Variants in SMPX observed in about 807,000 individuals in gnomAD.
SMPX encodes small muscular protein.
In SMPX, 2 loss-of-function variants were observed where a neutral mutation model predicts 6.3. That is an observed-to-expected ratio of 0.32 (90% CI 0.13 to 0.99). The LOEUF (loss-of-function observed/expected upper bound fraction) is 0.99, where lower values mean the gene tolerates loss of function less well. Ranked by LOEUF, SMPX falls within the 50% of genes least tolerant of loss-of-function variation. The probability of loss-of-function intolerance (pLI) is 0.49; values close to 1 mark genes in which losing one functional copy is unlikely to be tolerated. For synonymous variants in SMPX, 32 were observed against 24.7 expected (o/e 1.30, Z -0.88); for missense variants, 60 against 66.8 (o/e 0.90, Z 0.36).
At chrX:21,751,288 T>C (rs2092827229) in intron 2 of SMPX, among the ~76,000 whole-genome samples, 1 of 112,292 alleles carries the variant, frequency 8.9e-6, no homozygotes, top group South Asian at 3.7e-4. Flanking sequence ...TAAACTATAT[T>C]AGCCTCTAAT....
At chrX:21,755,005 A>G (rs1351807826) in intron 1 of SMPX, among the ~76,000 whole-genome samples, 4 of 112,580 alleles carry the variant, frequency 3.6e-5, no homozygotes, top group Non-Finnish European at 7.5e-5. Flanking sequence ...AGATTTACAC[A>G]TGACCATAAC....
intron 2 of SMPX, among the ~76,000 whole-genome samples, chrX:21,752,686 T>C (rs1189105087): frequency 9.1e-6 from 1 of 109,667 alleles, no homozygotes; most frequent in African/African-American, 3.3e-5. Context: ...CCTGGCTAAT[T>C]TTTTATATTT....
At position 21,757,927 on chromosome X, in the gene SMPX, C is replaced by T. The variant is rs1320110631; in HGVS notation, c.-13+15G>A. 2 of 325,563 alleles carry T rather than the reference C, an allele frequency of 6.1e-6. No individual in the cohort carries two copies. The highest frequency in any genetic ancestry group is 5.3e-5 in the African/African-American group (2 of 37,573). The allele number at this position is 325,563 out of a possible 1,213,427, so 26.8% of individuals were successfully genotyped here. On this transcript the variant is annotated intron_variant, in intron 1 of 4. Coordinates refer to ENST00000379494, the MANE Select transcript of SMPX (RefSeq NM_014332.3). ...TTAGAAAACCCAGTCGCCGGAGCTG[C>T]GTCCTTCTGCTTACCTGCTTTATGT... is the stretch of plus-strand genomic sequence containing the variant.
At chrX:21,720,729 G>A (rs772142994) in intron 4 of SMPX, among the ~76,000 whole-genome samples, 2 of 112,246 alleles carry the variant, frequency 1.8e-5, no homozygotes, top group East Asian at 5.6e-4. Flanking sequence ...CCAGACTCTA[G>A]AGAGGTGGCA....
intron 2 of SMPX, among the ~76,000 whole-genome samples, chrX:21,746,751 AAG>A (rs1569308995): frequency 9.2e-6 from 1 of 108,927 alleles, no homozygotes; most frequent in Non-Finnish European, 1.9e-5. Context: ...AAGGGAGTAT[AAG>A]AGGCGTGCTT....
chrX:21,743,629 C>T lies in SMPX; in HGVS notation c.132+121G>A, dbSNP rs753802673. 2.0e-4 allele frequency: 116 copies of T among 566,166 alleles called. 1 individual carries two copies. In the South Asian group the frequency reaches 2.8e-3, roughly 13 times the overall value. The allele number at this position is 566,166 out of a possible 1,213,427, so 46.7% of individuals were successfully genotyped here. A position where few individuals can be genotyped will look rare whatever the true frequency, so the allele number is the denominator to read the frequency against. On this transcript the variant is annotated intron_variant, in intron 3 of 4. Transcript: ENST00000379494. ...ACATACTGTATGTTATTCCTTGACA[C>T]ACAGCCATTTGCCCCCTCCCTTGTC...
At chrX:21,730,550 G>C (rs758030779) in intron 4 of SMPX, among the ~76,000 whole-genome samples, 52 of 112,196 alleles carry the variant, frequency 4.6e-4, no homozygotes, top group African/African-American at 1.6e-3. Flanking sequence ...TACTGATTGA[G>C]AGAGGTGCCA....
chrX:21,728,798 A>G (rs2092800286), intron 4 of SMPX, among the ~76,000 whole-genome samples: 1 of 111,938 alleles, frequency 8.9e-6, no homozygotes, highest in African/African-American at 3.3e-5. Flanking sequence ...CTTAGCCTTC[A>G]CTCTCCCATA....
intron 4 of SMPX, among the ~76,000 whole-genome samples, chrX:21,726,612 T>G (rs765499308): frequency 8.9e-6 from 1 of 112,092 alleles, no homozygotes; most frequent in East Asian, 2.8e-4. Flanking sequence ...TATCGGTGCC[T>G]GTTGTGGGAA....
chrX:21,747,782 G>T (rs5904582), intron 2 of SMPX, among the ~76,000 whole-genome samples: 1 of 111,164 alleles, frequency 9.0e-6, no homozygotes, highest in Non-Finnish European at 1.9e-5. Context: ...GTTTTCTGAA[G>T]TTCAGAGGCT....
At chrX:21,718,534 G>A (rs1055311431) in intron 4 of SMPX, among the ~76,000 whole-genome samples, 2 of 112,171 alleles carry the variant, frequency 1.8e-5, no homozygotes, top group Non-Finnish European at 3.8e-5. Context: ...ATACTGTTGG[G>A]CAAGCAGTGG....
chrX:21,725,698 G>C (rs2092796160), intron 4 of SMPX, among the ~76,000 whole-genome samples: 2 of 112,393 alleles, frequency 1.8e-5, no homozygotes, highest in African/African-American at 6.5e-5. Flanking sequence ...GAGGACAGTT[G>C]CAGGTTAGAA....
rs548539721 is a variant in SMPX, at chrX:21,721,172, C to G, written c.*15-14778G>C. The stretch of plus-strand genomic sequence containing the variant: ...TGGACTAAGTGACATTGATAGTCCC[C>G]TAACCTGTAAGAATATGACTCTATA... On this transcript the variant is annotated intron_variant, in intron 4 of 4. Transcript: ENST00000379494. Among the ~76,000 whole-genome samples, 7 of 111,949 alleles carry G rather than the reference C, an allele frequency of 6.3e-5. No homozygotes were observed. The South Asian group carries it at 2.7e-3, about 42-fold the overall frequency.
chrX:21,706,004 G>T lies in SMPX; in HGVS notation c.*405C>A, dbSNP rs1602095088. ...TTTACATTTAGTCAAATATTTATTT[G>T]AACTCATACAAAGTTTAGTGACATA... On this transcript the variant is annotated 3_prime_UTR_variant, in exon 5 of 5. Coordinates refer to ENST00000379494, the MANE Select transcript of SMPX (RefSeq NM_014332.3). 2 of 469,685 alleles carry T rather than the reference G, an allele frequency of 4.3e-6. No individual in the cohort carries two copies. The highest frequency in any genetic ancestry group is 2.4e-5 in the African/African-American group (1 of 41,632). 38.7% of individuals were successfully genotyped at this position (469,685 alleles called of 1,213,427 possible).
intron 2 of SMPX, among the ~76,000 whole-genome samples, chrX:21,750,956 A>G (rs1458896946): frequency 8.9e-6 from 1 of 112,256 alleles, no homozygotes; most frequent in African/African-American, 3.2e-5. Flanking sequence ...TCCCCATTTT[A>G]CAGAAAGGTG....
chrX:21,737,328 A>G (rs1297183913), intron 4 of SMPX, among the ~76,000 whole-genome samples: 1 of 111,762 alleles, frequency 8.9e-6, no homozygotes, highest in Non-Finnish European at 1.9e-5. Context: ...CAGAAAGAGA[A>G]TGGCAGGCTA....
chrX:21,728,087 C>T (rs2092798960), intron 4 of SMPX, among the ~76,000 whole-genome samples: 1 of 110,977 alleles, frequency 9.0e-6, no homozygotes, highest in East Asian at 2.8e-4. Flanking sequence ...GGCTCTGCAG[C>T]GGTCTGGTAT....
chrX:21,739,815 T>C (rs1308895097), intron 3 of SMPX, among the ~76,000 whole-genome samples: 2 of 112,335 alleles, frequency 1.8e-5, no homozygotes, highest in Non-Finnish European at 3.8e-5. Flanking sequence ...TCCAATTCCT[T>C]CTGTTAAGTT....
intron 4 of SMPX, among the ~76,000 whole-genome samples, chrX:21,714,436 C>T (rs1421090691): frequency 9.0e-6 from 1 of 111,631 alleles, no homozygotes; most frequent in Non-Finnish European, 1.9e-5. Flanking sequence ...AATTGGAATC[C>T]TATTATTGGA....
Sources: allele counts gnomAD v4.1 joint callset (sites outside exome capture counted in the v4.1 genomes callset), GRCh38; gene constraint gnomAD v4.1.1; transcripts MANE v1.5; gene names NCBI Gene and HGNC (gene_info 2026-07-23, HGNC 2026-07-21).